The following TSPAN6 variants were observed in gnomAD, a reference collection of about 807,000 sequenced individuals.
TSPAN6 encodes tetraspanin 6.
Under a neutral mutation model 18.0 loss-of-function variants are expected in TSPAN6, and 13 were observed. The ratio of observed to expected loss-of-function variants is 0.72; its 90% CI spans 0.47 to 1.15. TSPAN6 has a LOEUF of 1.15. TSPAN6 is among the 50% of genes most tolerant of loss of function. TSPAN6 has a pLI of 0.00. For synonymous variants in TSPAN6, 82 were observed against 67.0 expected, an observed-to-expected ratio of 1.22 and a Z score of -1.09; for missense variants, 186 against 183.9, an observed-to-expected ratio of 1.01 and a Z score of -0.07.
chrX:100,632,348 A>G (rs2083065406), intron 6 of TSPAN6, 137 bp downstream of exon 6: 2 of 482,257 alleles, frequency 4.1e-6, no homozygotes, highest in Non-Finnish European at 3.6e-6. Context: ...TGGAGGTTGC[A>G]GGGAGCTGAG....
chrX:100,636,684 G>A lies in TSPAN6; in HGVS notation c.11C>T (p.Pro4Leu). Reference protein sequence around the residue: MASPSRRLQTKPVI... With the variant: MASLSRRLQTKPVI... ...TGGTTTAGTCTGCAGTCTCCGAGAC[G>A]GGGACGCCATGACTAGCCCGAGACC... is the stretch of plus-strand genomic sequence containing the variant. The change falls in exon 1 of 8, where the codon CCG becomes CTG. Residue 4 changes from proline (P) to leucine (L), a missense_variant. By Grantham distance (98) the Pro-to-Leu change is moderately conservative. Transcript: ENST00000373020. 3 of 1,203,733 alleles carry A rather than the reference G, an allele frequency of 2.5e-6. No individual in the cohort carries two copies. Among genetic ancestry groups the A allele is most frequent in the Middle Eastern group, 2.3e-4 (1 of 4,328 alleles).
intron 1 of TSPAN6, among the ~76,000 whole-genome samples, chrX:100,635,953 C>A (rs368680298): frequency 1.8e-5 from 2 of 112,087 alleles, no homozygotes; most frequent in Admixed American, 1.9e-4. Context: ...TAAAATTCAT[C>A]TTTTTGTGTG....
rs1287292967 is a variant in TSPAN6, at chrX:100,633,316, C to A, written c.585+89G>T. 6 of 993,374 alleles carry A rather than the reference C, an allele frequency of 6.0e-6. No individual in the cohort carries two copies. The African/African-American group carries it at 1.2e-4, about 19-fold the overall frequency. 81.9% of individuals were successfully genotyped at this position (993,374 alleles called of 1,213,427 possible). A position where few individuals can be genotyped will look rare whatever the true frequency, so the allele number is the denominator to read the frequency against. ...CCTGGGCGACAGAGCAAGACTCTAT[C>A]TCAAAAAAAAAATTAAAAACTGGGT... On this transcript the variant is annotated intron_variant, in intron 5 of 7. Transcript: ENST00000373020.
intron 3 of TSPAN6, 22 bp from the exon 4 acceptor site, chrX:100,634,051 T>G: frequency 9.0e-7 from 1 of 1,108,962 alleles, no homozygotes; most frequent in Non-Finnish European, 1.2e-6. Context: ...AAACACAATG[T>G]CAGTAAGAAA....
Position 100,635,570 on chromosome X carries a change from C to G in TSPAN6, c.264G>C (p.Trp88Cys), listed in dbSNP as rs376723865. 1 of 1,187,971 alleles carries G rather than the reference C, an allele frequency of 8.4e-7. No individual in the cohort carries two copies. The highest frequency in any genetic ancestry group is 1.8e-5 in the African/African-American group (1 of 56,643). ...GCFATCRASA[W>C]MLKLYAMFLT... is the part of the protein sequence containing the mutation. ...AACAAGGACTCACCAGTTTTAGCAT[C>G]CATGCAGAAGCTCGGCAGGTAGCAA... is the stretch of plus-strand genomic sequence containing the variant. The change falls in exon 2 of 8, where the codon TGG becomes TGC. Residue 88 changes from tryptophan (W) to cysteine (C), a missense_variant. Trp to Cys is a radical substitution (Grantham distance 215, BLOSUM62 -2). Coordinates refer to ENST00000373020, the MANE Select transcript of TSPAN6 (RefSeq NM_003270.4).
rs2083078268 is a variant in TSPAN6 at position 100,634,083 on chromosome X, T to C, written c.352-54A>G. 3 of 868,293 alleles carry C rather than the reference T, an allele frequency of 3.5e-6. No homozygotes were observed. The East Asian group carries it at 9.4e-5, about 27-fold the overall frequency. The allele number at this position is 868,293 out of a possible 1,213,427, so 71.6% of individuals were successfully genotyped here. ...GAAAATCCTCTAGAAAGTTTTTGGT[T>C]TCAGGTCAAATAAGTTCTCGAATCT... On this transcript the variant is annotated intron_variant, in intron 3 of 7. Transcript: ENST00000373020.
chrX:100,632,610 A>T, intron 5 of TSPAN6, 42 bp from the exon 6 acceptor site: 1 of 930,033 alleles, frequency 1.1e-6, no homozygotes, highest in Non-Finnish European at 1.5e-6. Context: ...CAGCACAAGC[A>T]GCCTGTGCTT....
chrX:100,632,603 C>G (rs1220799809), intron 5 of TSPAN6, 35 bp from the exon 6 acceptor site: 1 of 975,445 alleles, frequency 1.0e-6, no homozygotes, highest in Non-Finnish European at 1.4e-6. Context: ...TTAAATACAG[C>G]ACAAGCAGCC....
intron 1 of TSPAN6, chrX:100,636,376 C>G: frequency 1.0e-6 from 1 of 975,287 alleles, no homozygotes; most frequent in Non-Finnish European, 1.3e-6. Flanking sequence ...ACGTCTGGGT[C>G]CCAGCTCAGC....
Position 100,629,020 on chromosome X carries a change from C to T in TSPAN6, c.*1006G>A, listed in dbSNP as rs181408156. ...GATTTTCTACAAGTTAATTTAAACA[C>T]GATCTTTTTAGAGGAAAGCAGTATT... On this transcript the variant is annotated 3_prime_UTR_variant, in exon 8 of 8. Transcript: ENST00000373020. 12 of 111,809 alleles carry T rather than the reference C, an allele frequency of 1.1e-4. No homozygotes were observed. The highest frequency in any genetic ancestry group is 3.6e-4 in the African/African-American group (11 of 30,839). 9.2% of individuals were successfully genotyped at this position (111,809 alleles called of 1,213,427 possible). A position where few individuals can be genotyped will look rare whatever the true frequency, so the allele number is the denominator to read the frequency against.
Position 100,635,257 on chromosome X carries a change from A to C in TSPAN6, c.277-5T>G. The C allele has an allele frequency of 8.5e-7, 1 of 1,171,598 alleles. No homozygotes were observed. Among genetic ancestry groups the C allele is most frequent in the Non-Finnish European group, 1.2e-6 (1 of 865,705 alleles). On this transcript the variant is annotated splice_region_variant and splice_polypyrimidine_tract_variant and intron_variant, in intron 2 of 7. Transcript: ENST00000373020. ...GAGAGTCAGAAACATTGCATACTGC[A>C]GGATAAGAAAGAAAGTCCAAGTCAG...
rs2083031646 is a variant in TSPAN6, at chrX:100,627,416, T to G, written c.*2610A>C. 8.9e-6 allele frequency: 1 copy of G among 111,984 alleles called. No homozygotes were observed. The highest frequency in any genetic ancestry group is 3.8e-4 in the South Asian group (1 of 2,657). 9.2% of individuals were successfully genotyped at this position (111,984 alleles called of 1,213,427 possible). A position where few individuals can be genotyped will look rare whatever the true frequency, so the allele number is the denominator to read the frequency against. On this transcript the variant is annotated 3_prime_UTR_variant, in exon 8 of 8. Transcript: ENST00000373020. ...GCTCAAAACCCCCAGCCTGTGCCAC[T>G]AAGGGAAACTCACTCCCTCTGCCAT...
In TSPAN6 at chrX:100,630,765, G is replaced by A. The variant is rs1440874256; in HGVS notation, c.*33C>T. The A allele has an allele frequency of 2.5e-6, 3 of 1,195,572 alleles. No individual in the cohort carries two copies. The highest frequency in any genetic ancestry group is 1.8e-5 in the South Asian group (1 of 55,090). ...AGGACCAAAATGAACGCACCTTAAAGGTAGAGAGGAATAGGCCCACAGATA... is the reference window on the plus strand; with the variant it reads ...AGGACCAAAATGAACGCACCTTAAAAGTAGAGAGGAATAGGCCCACAGATA... On this transcript the variant is annotated 3_prime_UTR_variant, in exon 7 of 8. Coordinates refer to ENST00000373020, the MANE Select transcript of TSPAN6 (RefSeq NM_003270.4).
At position 100,630,912 on chromosome X, in the gene TSPAN6, T is replaced by G. The variant is rs2234093; in HGVS notation, c.670-46A>C. ...AAATTAAATACATACACAAAAGAAC[T>G]TGAACACCTCAGACTATATTCTCCT... On this transcript the variant is annotated intron_variant, in intron 6 of 7. Coordinates refer to ENST00000373020, the MANE Select transcript of TSPAN6 (RefSeq NM_003270.4). 4,614 of 958,406 alleles carry G rather than the reference T, an allele frequency of 4.8e-3. 124 individuals carry two copies. The African/African-American group carries it at 0.077, about 16-fold the overall frequency. 79.0% of individuals were successfully genotyped at this position (958,406 alleles called of 1,213,427 possible).
In TSPAN6 at chrX:100,636,337, C is replaced by A. The variant is rs41306263; in HGVS notation, c.87+271G>T. 2,408 of 930,430 alleles carry A rather than the reference C, an allele frequency of 2.6e-3. 3 individuals carry two copies. Among genetic ancestry groups the A allele is most frequent in the Non-Finnish European group, 3.0e-3 (2,263 of 752,016 alleles). The allele number at this position is 930,430 out of a possible 1,213,427, so 76.7% of individuals were successfully genotyped here. A position where few individuals can be genotyped will look rare whatever the true frequency, so the allele number is the denominator to read the frequency against. On this transcript the variant is annotated intron_variant, in intron 1 of 7. Coordinates refer to ENST00000373020, the MANE Select transcript of TSPAN6 (RefSeq NM_003270.4). ...GCTCTGGGGGCTTAAGGCCCCACCT[C>A]GCCTCCCGTATCGAACTCGAACGCT... is the stretch of plus-strand genomic sequence containing the variant.
At chrX:100,630,678 G>T in intron 7 of TSPAN6, 81 bp downstream of exon 7, 1 of 699,894 alleles carries the variant, frequency 1.4e-6, no homozygotes, top group Non-Finnish European at 2.1e-6. Context: ...AGACGTTCTT[G>T]GCAAACTTAG....
At chrX:100,631,470 T>C (rs1447356260) in intron 6 of TSPAN6, among the ~76,000 whole-genome samples, 3 of 112,042 alleles carry the variant, frequency 2.7e-5, no homozygotes, top group Non-Finnish European at 5.6e-5. Flanking sequence ...CTTGAATTAG[T>C]CTTATTTCTA....
rs1184153562 is a variant in TSPAN6 at position 100,627,663 on chromosome X, A to G, written c.*2363T>C. The G allele has an allele frequency of 8.9e-6, 1 of 112,205 alleles. No homozygotes were observed. The highest frequency in any genetic ancestry group is 1.9e-5 in the Non-Finnish European group (1 of 53,287). The allele number at this position is 112,205 out of a possible 1,213,427, so 9.2% of individuals were successfully genotyped here. On this transcript the variant is annotated 3_prime_UTR_variant, in exon 8 of 8. Coordinates refer to ENST00000373020, the MANE Select transcript of TSPAN6 (RefSeq NM_003270.4). ...GTATGCACAAGCACACATCAGCTAT[A>G]AGGGCGTTTTCTAACTGGCTATCCA...
chrX:100,635,223 C>CA lies in TSPAN6; in HGVS notation c.305dup (p.Leu102PhefsTer16). ...CTACGATGGCAGCGACCAGTTCGAC[C>CA]AAAAAAACGAGAGTCAGAAACATTG... On this transcript the variant is annotated frameshift_variant, in exon 3 of 8. Coordinates refer to ENST00000373020, the MANE Select transcript of TSPAN6 (RefSeq NM_003270.4). LOFTEE classifies it high-confidence loss of function. 2 of 1,196,068 alleles carry CA rather than the reference C, an allele frequency of 1.7e-6. No homozygotes were observed. The highest frequency in any genetic ancestry group is 1.8e-5 in the South Asian group (1 of 54,387).
Sources: allele counts gnomAD v4.1 joint callset (sites outside exome capture counted in the v4.1 genomes callset), GRCh38; gene constraint gnomAD v4.1.1; transcripts MANE v1.5; gene names NCBI Gene and HGNC (gene_info 2026-07-23, HGNC 2026-07-21).